Variants in PPFIA1 observed in about 807,000 individuals in gnomAD.
PPFIA1 encodes the protein PPFI scaffold protein A1.
In PPFIA1, 25 loss-of-function variants were observed where a neutral mutation model predicts 149.9. The ratio of observed to expected loss-of-function variants is 0.17; its 90% confidence interval spans 0.12 to 0.23. PPFIA1 has a LOEUF of 0.23. Ranked by LOEUF, PPFIA1 falls within the 10% of genes least tolerant of loss-of-function variation. The pLI is 1.00. For missense variants in PPFIA1, 1,362 were observed against 1,506.5 expected (o/e 0.90, Z 1.59); for synonymous variants, 549 against 552.8 (o/e 0.99, Z 0.10).
chr11:70,351,617 A>G (rs2056058736), intron 16 of PPFIA1, among the ~76,000 whole-genome samples: 1 of 152,200 alleles, frequency 6.6e-6, no homozygotes, highest in Non-Finnish European at 1.5e-5. Flanking sequence ...CACTCAAATT[A>G]TAGATTTTGG....
At chr11:70,341,684 C>T (rs143146928) in intron 14 of PPFIA1, among the ~76,000 whole-genome samples, 10 of 152,170 alleles carry the variant, frequency 6.6e-5, no homozygotes, top group Non-Finnish European at 1.3e-4. Flanking sequence ...GACACCACCT[C>T]ATGGGTGCCT....
intron 26 of PPFIA1, among the ~76,000 whole-genome samples, chr11:70,380,067 T>C (rs937213093): frequency 1.3e-5 from 2 of 152,222 alleles, no homozygotes; most frequent in Admixed American, 1.3e-4. Context: ...ACATCTCCCT[T>C]GTTAAATGTT....
chr11:70,330,293 G>T lies in PPFIA1; in HGVS notation c.1051G>T (p.Ala351Ser). 3 of 1,585,058 alleles carry T rather than the reference G, an allele frequency of 1.9e-6. No homozygotes were observed. Among genetic ancestry groups the T allele is most frequent in the Non-Finnish European group, 2.6e-6 (3 of 1,169,668 alleles). Residue 351 changes from alanine (A) to serine (S), a missense_variant, in exon 8 of 28, where the codon GCA becomes TCA. Transcript: ENST00000253925. ...CAATGATAAACTTGAAAATGAAATTGCAAATAAAGATTCTATGCATCGACA... is the reference window on the plus strand; with the variant it reads ...CAATGATAAACTTGAAAATGAAATTTCAAATAAAGATTCTATGCATCGACA... ...DLNDKLENEI[A>S]NKDSMHRQTE... is the part of the protein sequence containing the mutation.
intron 2 of PPFIA1, among the ~76,000 whole-genome samples, chr11:70,323,737 A>C (rs2054100562): frequency 6.6e-6 from 1 of 152,216 alleles, no homozygotes; most frequent in African/African-American, 2.4e-5. Context: ...CCTTGGGAGC[A>C]AGCAGGTCAG....
intron 11 of PPFIA1, among the ~76,000 whole-genome samples, chr11:70,336,234 G>A (rs971462863): frequency 6.6e-6 from 1 of 152,142 alleles, no homozygotes; most frequent in African/African-American, 2.4e-5. Context: ...TGGGCGTGGT[G>A]GCTCACGTCT....
In PPFIA1 at chr11:70,300,001, C is replaced by T. The variant is rs192470847; in HGVS notation, c.265-24401C>T. Among the ~76,000 whole-genome samples the T allele has an allele frequency of 4.8e-4, 73 of 152,200 alleles. 1 individual carries two copies. The highest frequency in any genetic ancestry group is 1.8e-3 in the African/African-American group (73 of 41,508). On this transcript the variant is annotated intron_variant, in intron 2 of 27. Transcript: ENST00000253925. ...ACCGACTCCGTGTTTTGGCTCCCTC[C>T]ACCTACCCCACAGATCTCCCTCCAT...
chr11:70,366,006 C>T (rs1378491867), intron 21 of PPFIA1: 6 of 451,300 alleles, frequency 1.3e-5, no homozygotes, highest in South Asian at 9.5e-5. Flanking sequence ...ACTACATGTA[C>T]AGCAGCAAAA....
At position 70,380,264 on chromosome 11, in the gene PPFIA1, C is replaced by G. The variant is rs373107566; in HGVS notation, c.3551-1824C>G. On this transcript the variant is annotated intron_variant, in intron 26 of 27. Transcript: ENST00000253925. Reference sequence around the variant, plus strand: ...TGGCCAACGTGGTGAAACCCTGTCTCTAGTAAAAATACAAAAAAATCGGCC... The same window carrying G: ...TGGCCAACGTGGTGAAACCCTGTCTGTAGTAAAAATACAAAAAAATCGGCC... 3.5e-5 allele frequency among the ~76,000 whole-genome samples: 5 copies of G among 143,974 alleles called. No individual in the cohort carries two copies. The East Asian group carries it at 1.0e-3, about 30-fold the overall frequency. The allele number at this position is 143,974 out of a possible 152,430, so 94.5% of individuals were successfully genotyped here.
At position 70,372,498 on chromosome 11, in the gene PPFIA1, T is replaced by C; in HGVS notation, c.3063T>C (p.Ile1021=). The C allele has an allele frequency of 6.2e-7, 1 of 1,614,012 alleles. No individual in the cohort carries two copies. Among genetic ancestry groups the C allele is most frequent in the South Asian group, 1.1e-5 (1 of 91,084 alleles). Residue 1021 remains isoleucine (I), a synonymous_variant, in exon 23 of 28, where the codon ATT becomes ATC. Coordinates refer to ENST00000253925, the MANE Select transcript of PPFIA1 (RefSeq NM_003626.5). ...SFHRNSFQCG[I]MCLRRLNYDR... ...ATAGAAACAGTTTCCAGTGTGGAATTATGTGCCTGAGAAGGTTAAATTATG... is the reference window on the plus strand; with the variant it reads ...ATAGAAACAGTTTCCAGTGTGGAATCATGTGCCTGAGAAGGTTAAATTATG...
chr11:70,303,738 G>A (rs1406606837), intron 2 of PPFIA1, among the ~76,000 whole-genome samples: 1 of 152,218 alleles, frequency 6.6e-6, no homozygotes, highest in Non-Finnish European at 1.5e-5. Context: ...TGGCACGGTG[G>A]CTCATGCCTA....
At chr11:70,290,535 C>A (rs936235105) in intron 2 of PPFIA1, among the ~76,000 whole-genome samples, 3 of 152,028 alleles carry the variant, frequency 2.0e-5, no homozygotes, top group African/African-American at 7.2e-5. Flanking sequence ...GATTTTTTTC[C>A]CCTGTAGCTA....
chr11:70,365,743 T>C (rs149733897), intron 21 of PPFIA1: 1 of 359,342 alleles, frequency 2.8e-6, no homozygotes, highest in East Asian at 7.4e-5. Context: ...ATGAATATGC[T>C]TGGCACGGAG....
intron 2 of PPFIA1, among the ~76,000 whole-genome samples, chr11:70,292,126 C>T (rs954442623): frequency 6.6e-6 from 1 of 152,044 alleles, no homozygotes; most frequent in Non-Finnish European, 1.5e-5. Context: ...CGTGAGCCAC[C>T]GCGCTTGGCC....
intron 21 of PPFIA1, chr11:70,365,997 C>G (rs1256118842): frequency 2.2e-6 from 1 of 454,940 alleles, no homozygotes; most frequent in South Asian, 1.6e-5. Context: ...ATATTCTTCA[C>G]TACATGTACA....
chr11:70,280,605 C>T (rs1011421186), intron 2 of PPFIA1, among the ~76,000 whole-genome samples: 7 of 152,138 alleles, frequency 4.6e-5, no homozygotes, highest in South Asian at 2.1e-4. Flanking sequence ...CTGTTGTTGC[C>T]GAGGCTGCAG....
At chr11:70,376,283 C>T (rs919235025) in intron 24 of PPFIA1, among the ~76,000 whole-genome samples, 2 of 152,068 alleles carry the variant, frequency 1.3e-5, no homozygotes, top group Non-Finnish European at 2.9e-5. Context: ...GCCACCACAC[C>T]CAGGCCCTAA....
chr11:70,318,396 G>A (rs1167692197), intron 2 of PPFIA1, among the ~76,000 whole-genome samples: 1 of 152,128 alleles, frequency 6.6e-6, no homozygotes, highest in Admixed American at 6.5e-5. Flanking sequence ...CCTTTACTGC[G>A]GGTGATCTGT....
At chr11:70,280,535 C>G (rs2050692769) in intron 2 of PPFIA1, among the ~76,000 whole-genome samples, 1 of 152,138 alleles carries the variant, frequency 6.6e-6, no homozygotes, top group Non-Finnish European at 1.5e-5. Flanking sequence ...CGCCATTGCA[C>G]TCCAGCCTGG....
At chr11:70,355,227 T>C (rs2056294969) in intron 17 of PPFIA1, among the ~76,000 whole-genome samples, 1 of 152,056 alleles carries the variant, frequency 6.6e-6, no homozygotes, top group South Asian at 2.1e-4. Context: ...TTCCATTGGA[T>C]TTCGGTTCTG....
Sources: allele counts gnomAD v4.1 joint callset (sites outside exome capture counted in the v4.1 genomes callset), GRCh38; gene constraint gnomAD v4.1.1; transcripts MANE v1.5; gene names NCBI Gene and HGNC (gene_info 2026-07-23, HGNC 2026-07-21).